WDPCP: variants seen among roughly 807,000 people sequenced by gnomAD.
The protein encoded by WDPCP is WD repeat containing planar cell polarity effector, also known as WD repeat-containing and planar cell polarity effector protein fritz homolog.
WDPCP carries 71 observed loss-of-function variants against 93.1 expected under a neutral mutation model. The ratio of observed to expected loss-of-function variants is 0.76; its 90% confidence interval spans 0.63 to 0.93. The LOEUF is 0.93. Ranked by LOEUF, WDPCP falls within the 40% of genes least tolerant of loss-of-function variation. WDPCP has a pLI of 0.00. For missense variants in WDPCP, 844 were observed against 887.4 expected (o/e 0.95, Z 0.62); for synonymous variants, 315 against 315.0 (o/e 1.00, Z 0.00).
intron 1 of WDPCP, among the ~76,000 whole-genome samples, chr2:63,536,228 G>C (rs1704266833): frequency 6.6e-6 from 1 of 152,194 alleles, no homozygotes; most frequent in African/African-American, 2.4e-5. Flanking sequence ...TCTTGGAGAG[G>C]CTGTGGAGAA....
At chr2:63,430,655 G>A (rs887520786) in intron 9 of WDPCP, among the ~76,000 whole-genome samples, 9 of 152,048 alleles carry the variant, frequency 5.9e-5, no homozygotes, top group African/African-American at 1.2e-4. Flanking sequence ...AGGCCGAGGC[G>A]GGCAGATCAT....
At chr2:63,540,970 G>T (rs941734116) in intron 1 of WDPCP, among the ~76,000 whole-genome samples, 4 of 149,996 alleles carry the variant, frequency 2.7e-5, no homozygotes, top group Non-Finnish European at 4.4e-5. Flanking sequence ...TGCCCAGGCT[G>T]GTGGTTTTTG....
At chr2:63,659,401 A>G (rs1161539357) in intron 2 of WDPCP, among the ~76,000 whole-genome samples, 5 of 152,250 alleles carry the variant, frequency 3.3e-5, no homozygotes, top group African/African-American at 1.2e-4. Flanking sequence ...TAAGCATCTT[A>G]AAAGGAGAAG....
intron 6 of WDPCP, among the ~76,000 whole-genome samples, chr2:63,468,254 C>T (rs974088119): frequency 1.3e-5 from 2 of 152,176 alleles, no homozygotes; most frequent in Non-Finnish European, 2.9e-5. Context: ...CCTTCTTCAT[C>T]ATCTTTCACA....
intron 15 of WDPCP, among the ~76,000 whole-genome samples, chr2:63,161,276 TATA>T: frequency 6.6e-6 from 1 of 152,342 alleles, no homozygotes; most frequent in Admixed American, 6.5e-5. Flanking sequence ...ATTATTTAGT[TATA>T]ATTTTTGCAT....
chr2:63,231,859 GC>G (rs1678920466), intron 14 of WDPCP, among the ~76,000 whole-genome samples: 1 of 152,104 alleles, frequency 6.6e-6, no homozygotes, highest in Non-Finnish European at 1.5e-5. Flanking sequence ...ACAAAAAAGA[GC>G]CCACATTGCC....
At chr2:63,601,226 A>G (rs1392603813) in intron 3 of WDPCP, among the ~76,000 whole-genome samples, 1 of 152,214 alleles carries the variant, frequency 6.6e-6, no homozygotes, top group Non-Finnish European at 1.5e-5. Context: ...TTCTTCCTCT[A>G]GAAGAAGTTG....
At chr2:63,490,294 T>C (rs762314789) in intron 2 of WDPCP, among the ~76,000 whole-genome samples, 1 of 152,180 alleles carries the variant, frequency 6.6e-6, no homozygotes, top group Non-Finnish European at 1.5e-5. Context: ...CAATGGCTTA[T>C]ACAGTAATGC....
chr2:63,220,661 G>T (rs1187061243), intron 14 of WDPCP, among the ~76,000 whole-genome samples: 1 of 151,948 alleles, frequency 6.6e-6, no homozygotes, highest in Non-Finnish European at 1.5e-5. Flanking sequence ...ATGCAGTGAT[G>T]TATAAATGAA....
rs757028327 is a variant in WDPCP, at chr2:63,433,960, A to G, written c.634-24T>C. The G allele has an allele frequency of 6.8e-6, 11 of 1,608,960 alleles. No homozygotes were observed. The South Asian group carries it at 7.7e-5, about 11-fold the overall frequency. ...ATCTAACAATTTTAAAAAAGCATAC[A>G]TGAAACATTTCTTTTAAAAGATGCA... On this transcript the variant is annotated intron_variant, in intron 8 of 17. Transcript: ENST00000272321.
intron 2 of WDPCP, among the ~76,000 whole-genome samples, chr2:63,761,763 G>C (rs1670058530): frequency 6.6e-6 from 1 of 152,126 alleles, no homozygotes; most frequent in African/African-American, 2.4e-5. Context: ...CCGGCCCACT[G>C]ACTCAAATGT....
chr2:63,794,697 A>G (rs1670590808), intron 2 of WDPCP, among the ~76,000 whole-genome samples: 1 of 152,146 alleles, frequency 6.6e-6, no homozygotes, highest in Non-Finnish European at 1.5e-5. Context: ...GCACCACTAC[A>G]TTTCCTTACT....
At chr2:63,182,337 T>C (rs538228716) in intron 14 of WDPCP, among the ~76,000 whole-genome samples, 8 of 152,118 alleles carry the variant, frequency 5.3e-5, no homozygotes, top group Non-Finnish European at 8.8e-5. Context: ...CCTAGTTTGT[T>C]GAGGATTTTA....
At chr2:63,676,933 G>A (rs1040583858) in intron 2 of WDPCP, among the ~76,000 whole-genome samples, 2 of 152,054 alleles carry the variant, frequency 1.3e-5, no homozygotes, top group Non-Finnish European at 2.9e-5. Context: ...CATTCAGTGG[G>A]GTAAGCTTTA....
chr2:63,471,472 T>C (rs1347229262), intron 6 of WDPCP, among the ~76,000 whole-genome samples: 1 of 152,218 alleles, frequency 6.6e-6, no homozygotes, highest in Non-Finnish European at 1.5e-5. Flanking sequence ...ATTGGTTATA[T>C]TGCTACTCTG....
At chr2:63,353,624 C>T (rs1400179508) in intron 12 of WDPCP, among the ~76,000 whole-genome samples, 1 of 152,090 alleles carries the variant, frequency 6.6e-6, no homozygotes, top group Non-Finnish European at 1.5e-5. Flanking sequence ...GGCCAGGGTG[C>T]TTTTTTAAGC....
intron 9 of WDPCP, among the ~76,000 whole-genome samples, chr2:63,420,076 T>A (rs1339302837): frequency 2.6e-5 from 4 of 152,178 alleles, no homozygotes; most frequent in Non-Finnish European, 4.4e-5. Flanking sequence ...TTTACTTTTT[T>A]AAAAGGTACA....
At chr2:63,770,147 C>G (rs1438639933) in intron 2 of WDPCP, among the ~76,000 whole-genome samples, 1 of 151,898 alleles carries the variant, frequency 6.6e-6, no homozygotes, top group African/African-American at 2.4e-5. Flanking sequence ...TCTAGATAAC[C>G]TACGGTTCTA....
chr2:63,374,675 C>CT (rs926665318), intron 12 of WDPCP, among the ~76,000 whole-genome samples: 1 of 152,016 alleles, frequency 6.6e-6, no homozygotes, highest in Non-Finnish European at 1.5e-5. Context: ...AAAGACTGCC[C>CT]TTTTTTTCTG....
Sources: gnomAD v4.1 joint callset for allele counts (sites outside exome capture counted in the v4.1 genomes callset) on GRCh38, gnomAD v4.1.1 for gene constraint, MANE v1.5 for transcripts, NCBI Gene and HGNC (gene_info 2026-07-23, HGNC 2026-07-21) for gene names.